The following CFAP58 variants were observed in gnomAD, a reference collection of about 807,000 sequenced individuals.
CFAP58 encodes cilia and flagella associated protein 58.
A neutral mutation model predicts 119.5 loss-of-function variants in CFAP58; 88 were observed. The observed-to-expected ratio is 0.74, with a 90% CI of 0.62 to 0.88. The LOEUF is 0.88. Among genes scored for constraint, CFAP58 ranks in the 40% least tolerant of loss-of-function variants. The pLI, the probability that CFAP58 is intolerant of heterozygous loss-of-function variation, is 0.00. For missense variants in CFAP58, 990 were observed against 1,021.2 expected (o/e 0.97, Z 0.42); for synonymous variants, 365 against 366.3 (o/e 1.00, Z 0.04).
chr10:104,402,949 A>G (rs138667484), intron 13 of CFAP58, among the ~76,000 whole-genome samples: 146 of 152,280 alleles, frequency 9.6e-4, no homozygotes, highest in African/African-American at 3.4e-3. Flanking sequence ...CTGAGCCTCA[A>G]TATATTGCTG....
chr10:104,403,252 A>G lies in CFAP58; in HGVS notation c.2040-477A>G, dbSNP rs187638626. Among the ~76,000 whole-genome samples the G allele has an allele frequency of 1.4e-4, 21 of 152,230 alleles. No homozygotes were observed. In the East Asian group the frequency reaches 3.7e-3, roughly 27 times the overall value. ...TTTTTATAACTGGGAGTTCCCCTAG[A>G]GAAGCTCTCTTGCCTGCCACGATGT... On this transcript the variant is annotated intron_variant, in intron 13 of 17. Coordinates refer to ENST00000369704, the MANE Select transcript of CFAP58 (RefSeq NM_001008723.2).
intron 17 of CFAP58, 44 bp downstream of exon 17, chr10:104,450,248 T>G: frequency 8.2e-6 from 13 of 1,594,064 alleles, no homozygotes; most frequent in Non-Finnish European, 1.1e-5. Context: ...GCCTATTATC[T>G]GCACATAAGA....
At chr10:104,368,764 A>T (rs1015507832) in intron 6 of CFAP58, among the ~76,000 whole-genome samples, 1 of 152,216 alleles carries the variant, frequency 6.6e-6, no homozygotes, top group African/African-American at 2.4e-5. Context: ...TGCAAACCTG[A>T]TTATTGATCA....
chr10:104,433,727 T>C (rs1411101657), intron 15 of CFAP58, among the ~76,000 whole-genome samples: 1 of 152,272 alleles, frequency 6.6e-6, no homozygotes, highest in East Asian at 1.9e-4. Context: ...AACTTGAGTA[T>C]TTAATTCCAT....
chr10:104,382,237 A>C (rs958953983), intron 9 of CFAP58: 53 of 715,118 alleles, frequency 7.4e-5, no homozygotes, highest in Non-Finnish European at 6.3e-5. Flanking sequence ...GATCCTACCC[A>C]CTCATATTCC....
intron 15 of CFAP58, among the ~76,000 whole-genome samples, chr10:104,445,863 T>C (rs1487829284): frequency 6.6e-6 from 1 of 152,234 alleles, no homozygotes; most frequent in African/African-American, 2.4e-5. Flanking sequence ...CCAAGAGTAA[T>C]TGAAGAGAAT....
the CFAP58 span, among the ~76,000 whole-genome samples, chr10:104,338,671 GTAA>G: frequency 1.3e-5 from 2 of 152,126 alleles, no homozygotes; most frequent in African/African-American, 4.8e-5. Context: ...GGCCAGTGGA[GTAA>G]ACTGGAGCGA....
intron 15 of CFAP58, among the ~76,000 whole-genome samples, chr10:104,442,043 G>C (rs1482825396): frequency 6.6e-6 from 1 of 152,148 alleles, no homozygotes; most frequent in Non-Finnish European, 1.5e-5. Context: ...ATTAGGCCGT[G>C]TTCTAGAGTT....
At chr10:104,446,301 G>A (rs1348948507) in intron 15 of CFAP58, among the ~76,000 whole-genome samples, 2 of 152,104 alleles carry the variant, frequency 1.3e-5, no homozygotes, top group African/African-American at 4.8e-5. Flanking sequence ...TGTCATTTCT[G>A]GAATTATTTC....
chr10:104,400,884 G>T lies in CFAP58; in HGVS notation c.2020G>T (p.Ala674Ser). The T allele has an allele frequency of 6.2e-7, 1 of 1,613,972 alleles. No individual in the cohort carries two copies. Residue 674 changes from alanine (A) to serine (S), a missense_variant, in exon 13 of 18, where the codon GCT becomes TCT. Transcript: ENST00000369704. Reference protein sequence around the residue: ...REKGILARSMANVEELRQEFF... With the variant: ...REKGILARSMSNVEELRQEFF... ...AAAGGGGATTCTTGCCAGGAGTATG[G>T]CTAATGTTGAAGAACTCAGGTAATA...
intron 15 of CFAP58, among the ~76,000 whole-genome samples, chr10:104,443,263 A>T (rs1048839713): frequency 1.7e-4 from 25 of 148,092 alleles, no homozygotes; most frequent in African/African-American, 5.4e-4. Context: ...GTTATTGAAT[A>T]AAAAAAATCA....
intron 11 of CFAP58, among the ~76,000 whole-genome samples, chr10:104,396,525 G>A (rs1237262195): frequency 6.6e-6 from 1 of 151,894 alleles, no homozygotes; most frequent in Non-Finnish European, 1.5e-5. Context: ...TATTTGTTTT[G>A]CTAGATTTAA....
intron 9 of CFAP58, among the ~76,000 whole-genome samples, chr10:104,380,732 G>T (rs1185404194): frequency 6.6e-6 from 1 of 152,168 alleles, no homozygotes; most frequent in Non-Finnish European, 1.5e-5. Context: ...AAACGATTAT[G>T]AACTCCTGCA....
intron 15 of CFAP58, among the ~76,000 whole-genome samples, chr10:104,410,372 T>A (rs2012441269): frequency 6.6e-6 from 1 of 152,262 alleles, no homozygotes; most frequent in Admixed American, 6.5e-5. Context: ...CTCCAATTCC[T>A]TACTTCTGGG....
At chr10:104,417,881 T>A (rs1371526131) in intron 15 of CFAP58, among the ~76,000 whole-genome samples, 1 of 152,180 alleles carries the variant, frequency 6.6e-6, no homozygotes, top group Non-Finnish European at 1.5e-5. Flanking sequence ...AGCTTGTGGT[T>A]AAGAAATATC....
intron 13 of CFAP58, among the ~76,000 whole-genome samples, chr10:104,402,171 C>A (rs10786791): frequency 0.55 from 83,833 of 152,026 alleles, 24,237 homozygotes; most frequent in African/African-American, 0.73. Context: ...AAGTCACTGA[C>A]CTTCCCTGAG....
chr10:104,452,457 T>G (rs866463326), intron 17 of CFAP58, among the ~76,000 whole-genome samples: 3 of 152,332 alleles, frequency 2.0e-5, no homozygotes, highest in Middle Eastern at 3.4e-3. Flanking sequence ...GCTGATTAAT[T>G]TTCTTGCCTT....
chr10:104,392,279 T>C lies in CFAP58; in HGVS notation c.1412T>C (p.Phe471Ser). Reference sequence around the variant, plus strand: ...ATAAAAGTTCGTGAAACACAGATTTTTGACTACAGGAAAAAAATAGCTGAA... The same window carrying C: ...ATAAAAGTTCGTGAAACACAGATTTCTGACTACAGGAAAAAAATAGCTGAA... ...EDIKVRETQI[F>S]DYRKKIAESE... The change falls in exon 10 of 18, where the codon TTT becomes TCT. Residue 471 changes from phenylalanine (F) to serine (S), a missense_variant. Transcript: ENST00000369704. 1 of 1,613,174 alleles carries C rather than the reference T, an allele frequency of 6.2e-7. No individual in the cohort carries two copies.
intron 15 of CFAP58, among the ~76,000 whole-genome samples, chr10:104,407,790 A>G (rs968224810): frequency 1.3e-5 from 2 of 152,228 alleles, no homozygotes; most frequent in South Asian, 4.1e-4. Context: ...TCTGCCTCCC[A>G]GGTTCAAGTG....
Sources: allele counts gnomAD v4.1 joint callset (sites outside exome capture counted in the v4.1 genomes callset), GRCh38; gene constraint gnomAD v4.1.1; transcripts MANE v1.5; gene names NCBI Gene and HGNC (gene_info 2026-07-23, HGNC 2026-07-21).